PRLR: variants seen among roughly 807,000 people sequenced by gnomAD.
PRLR encodes the protein prolactin receptor, also known as hPRL receptor.
In PRLR, 13 loss-of-function variants were observed where a neutral mutation model predicts 40.2. The observed-to-expected ratio is 0.32, with a 90% CI of 0.21 to 0.51. PRLR has a LOEUF of 0.51. Among genes scored for constraint, PRLR ranks in the 20% least tolerant of loss-of-function variants. PRLR has a pLI of 0.97. For synonymous variants in PRLR, 269 were observed against 278.7 expected, an observed-to-expected ratio of 0.97 and a Z score of 0.35; for missense variants, 656 against 747.3, an observed-to-expected ratio of 0.88 and a Z score of 1.42.
At chr5:35,087,226 G>A (rs374204820) in intron 3 of PRLR, among the ~76,000 whole-genome samples, 10 of 152,052 alleles carry the variant, frequency 6.6e-5, no homozygotes, top group East Asian at 5.8e-4. Context: ...TCCTGACCTC[G>A]TGCTCTGCCC....
intron 1 of PRLR, among the ~76,000 whole-genome samples, chr5:35,139,685 A>G (rs1186311094): frequency 6.6e-6 from 1 of 152,242 alleles, no homozygotes; most frequent in East Asian, 1.9e-4. Context: ...TCTAACTTTT[A>G]TTACTCCATA....
chr5:35,193,447 A>G (rs1434678427), intron 1 of PRLR, among the ~76,000 whole-genome samples: 7 of 152,164 alleles, frequency 4.6e-5, no homozygotes, highest in Admixed American at 4.6e-4. Flanking sequence ...TTTCATCCAG[A>G]GAAAGTAAAA....
intron 1 of PRLR, among the ~76,000 whole-genome samples, chr5:35,128,139 T>C (rs1261912503): frequency 6.6e-6 from 1 of 151,858 alleles, no homozygotes; most frequent in Non-Finnish European, 1.5e-5. Context: ...ATGAGTTTGT[T>C]GGGATCTAAC....
chr5:35,102,839 G>A (rs924798220), intron 2 of PRLR, among the ~76,000 whole-genome samples: 1 of 152,004 alleles, frequency 6.6e-6, no homozygotes, highest in Non-Finnish European at 1.5e-5. Flanking sequence ...TGCCACGCCC[G>A]GCTTTTTTCT....
chr5:35,117,176 AG>A (rs1773076553), intron 2 of PRLR, among the ~76,000 whole-genome samples: 1 of 152,198 alleles, frequency 6.6e-6, no homozygotes, highest in South Asian at 2.1e-4. Flanking sequence ...CCTGGCCCAG[AG>A]GGCAAGTTCA....
intron 2 of PRLR, among the ~76,000 whole-genome samples, chr5:35,089,978 C>T (rs1464586167): frequency 6.6e-6 from 1 of 152,158 alleles, no homozygotes; most frequent in Non-Finnish European, 1.5e-5. Context: ...CCATAGCCAC[C>T]TAACAATATA....
At chr5:35,208,187 A>T (rs1429197002) in intron 1 of PRLR, among the ~76,000 whole-genome samples, 2 of 151,624 alleles carry the variant, frequency 1.3e-5, no homozygotes, top group Non-Finnish European at 1.5e-5. Context: ...GCACACACAC[A>T]CACACACACA....
chr5:35,095,724 C>T (rs1771495986), intron 2 of PRLR, among the ~76,000 whole-genome samples: 1 of 152,188 alleles, frequency 6.6e-6, no homozygotes, highest in East Asian at 1.9e-4. Context: ...TCACCATTAT[C>T]CAGTTTACAT....
chr5:35,145,586 A>G (rs1041298577), intron 1 of PRLR, among the ~76,000 whole-genome samples: 2 of 152,174 alleles, frequency 1.3e-5, no homozygotes, highest in Non-Finnish European at 2.9e-5. Context: ...CTTTTGCCCT[A>G]CTATGTACAC....
intron 2 of PRLR, among the ~76,000 whole-genome samples, chr5:35,094,879 G>A (rs1561292075): frequency 6.8e-6 from 1 of 148,068 alleles, no homozygotes; most frequent in Non-Finnish European, 1.5e-5. Context: ...CCAGGCTGGA[G>A]TGCAGTGGCA....
chr5:35,185,975 C>T (rs1775416808), intron 1 of PRLR, among the ~76,000 whole-genome samples: 1 of 152,178 alleles, frequency 6.6e-6, no homozygotes, highest in African/African-American at 2.4e-5. Context: ...GACCTCAAAA[C>T]ACCCACTGAG....
At chr5:35,125,381 C>A (rs1773425542) in intron 1 of PRLR, among the ~76,000 whole-genome samples, 1 of 152,130 alleles carries the variant, frequency 6.6e-6, no homozygotes, top group Non-Finnish European at 1.5e-5. Context: ...CCATCTTTCC[C>A]TGATGGTGAG....
intron 2 of PRLR, among the ~76,000 whole-genome samples, chr5:35,111,941 C>G (rs755518779): frequency 6.6e-6 from 1 of 152,030 alleles, no homozygotes; most frequent in Non-Finnish European, 1.5e-5. Context: ...AGGAAAATCC[C>G]AACAAAAAAT....
intron 5 of PRLR, among the ~76,000 whole-genome samples, chr5:35,077,645 C>T (rs938763388): frequency 5.9e-5 from 9 of 152,092 alleles, no homozygotes; most frequent in African/African-American, 1.7e-4. Context: ...GACAGATCGA[C>T]GACACAGAAA....
At chr5:35,053,130 T>G (rs1189036393), downstream of PRLR, among the ~76,000 whole-genome samples, 1 of 152,042 alleles carries the variant, frequency 6.6e-6, no homozygotes, top group Non-Finnish European at 1.5e-5. Context: ...CTCACTAAAG[T>G]CAGGAAGAAG....
chr5:35,210,270 A>T (rs962039592), intron 1 of PRLR, among the ~76,000 whole-genome samples: 1 of 152,184 alleles, frequency 6.6e-6, no homozygotes, highest in Non-Finnish European at 1.5e-5. Flanking sequence ...TCTTTCCTCA[A>T]TATATTAGAA....
chr5:35,111,698 C>A (rs1391129694), intron 2 of PRLR, among the ~76,000 whole-genome samples: 2 of 151,920 alleles, frequency 1.3e-5, no homozygotes, highest in African/African-American at 2.4e-5. Flanking sequence ...TATTATTTAA[C>A]CTTTAAAGTA....
At chr5:35,125,006 CTG>C (rs1241777859) in intron 1 of PRLR, among the ~76,000 whole-genome samples, 1 of 152,178 alleles carries the variant, frequency 6.6e-6, no homozygotes, top group Admixed American at 6.5e-5. Context: ...GGCCACAGTA[CTG>C]GTTATTAGCA....
chr5:35,137,960 T>G (rs1040595574), intron 1 of PRLR, among the ~76,000 whole-genome samples: 1 of 152,218 alleles, frequency 6.6e-6, no homozygotes, highest in Admixed American at 6.5e-5. Context: ...GTTAAAATAT[T>G]AAAATGTTTA....
Sources: gnomAD v4.1 joint callset for allele counts (sites outside exome capture counted in the v4.1 genomes callset) on GRCh38, gnomAD v4.1.1 for gene constraint, MANE v1.5 for transcripts, NCBI Gene and HGNC (gene_info 2026-07-23, HGNC 2026-07-21) for gene names.